The following CDC42BPB variants were observed in gnomAD, a reference collection of about 807,000 sequenced individuals.
CDC42BPB encodes CDC42 binding protein kinase beta.
Under a neutral mutation model 214.9 loss-of-function variants are expected in CDC42BPB, and 37 were observed. The ratio of observed to expected loss-of-function variants is 0.17; its 90% CI spans 0.13 to 0.23. The LOEUF (loss-of-function observed/expected upper bound fraction) is 0.23, where lower values mean the gene tolerates loss of function less well. CDC42BPB is among the 10% of genes least tolerant of loss of function. The pLI is 1.00. For missense variants in CDC42BPB, 1,694 were observed against 2,227.0 expected, an observed-to-expected ratio of 0.76 and a Z score of 4.82; for synonymous variants, 931 against 884.0, an observed-to-expected ratio of 1.05 and a Z score of -0.94.
chr14:103,008,507 T>C lies in CDC42BPB; in HGVS notation c.316A>G (p.Ile106Val). The change falls in exon 3 of 37, where the codon ATC (isoleucine) becomes GTC (valine). Residue 106 changes from isoleucine (I) to valine (V), a missense_variant. Transcript: ENST00000361246. ...TTCAGCATCTCCCACTTGTTGAGGA[T>C]TTTCATTGCATAAATTCGTTCAGTA... Reference protein sequence around the residue: ...KNTERIYAMKILNKWEMLKRA... With the variant: ...KNTERIYAMKVLNKWEMLKRA... The C allele has an allele frequency of 6.2e-7, 1 of 1,612,740 alleles. No individual in the cohort carries two copies. Among genetic ancestry groups the C allele is most frequent in the Non-Finnish European group, 8.5e-7 (1 of 1,178,684 alleles).
chr14:102,937,542 C>A (rs1204009748), intron 36 of CDC42BPB, among the ~76,000 whole-genome samples: 3 of 152,216 alleles, frequency 2.0e-5, no homozygotes, highest in Admixed American at 2.0e-4. Flanking sequence ...GGGGGCTAAG[C>A]CCTCAGCTCA....
At position 102,959,663 on chromosome 14, in the gene CDC42BPB, T is replaced by C. The variant is rs200543279; in HGVS notation, c.2869A>G (p.Thr957Ala). ...GTCAGGTCATGTGCAAGAGGAGCAG[T>C]GTTGAAATACTCAAAAATGGAATCC... ...FQDSIFEYFN[T>A]APLAHDLTFR... is the part of the protein sequence containing the mutation. The change falls in exon 21 of 37, where the codon ACT becomes GCT. Residue 957 changes from threonine (T) to alanine (A), a missense_variant. Transcript: ENST00000361246. The C allele has an allele frequency of 6.2e-6, 10 of 1,610,258 alleles. No individual in the cohort carries two copies. In the Admixed American group the frequency reaches 1.5e-4, roughly 24 times the overall value.
In CDC42BPB at chr14:102,975,862, C is replaced by T. The variant is rs112719111; in HGVS notation, c.1387+21G>A. The T allele has an allele frequency of 3.7e-5, 59 of 1,613,940 alleles. 2 individuals carry two copies. The highest frequency in any genetic ancestry group is 3.3e-4 in the African/African-American group (25 of 75,034). On this transcript the variant is annotated intron_variant, in intron 10 of 36. Transcript: ENST00000361246. Reference sequence around the variant, plus strand: ...TGGCCGCAGCGCCCCCGCCTGGCCCCGGAGCCGGCGCTGCCCTCACCTTGC... The same window carrying T: ...TGGCCGCAGCGCCCCCGCCTGGCCCTGGAGCCGGCGCTGCCCTCACCTTGC...
chr14:103,057,115 C>A lies in CDC42BPB; in HGVS notation c.59G>T (p.Arg20Leu). 3.9e-6 allele frequency: 6 copies of A among 1,519,638 alleles called. No individual in the cohort carries two copies. The highest frequency in any genetic ancestry group is 5.3e-6 in the Non-Finnish European group (6 of 1,139,194). The allele number at this position is 1,519,638 out of a possible 1,614,324, so 94.1% of individuals were successfully genotyped here. A position where few individuals can be genotyped will look rare whatever the true frequency, so the allele number is the denominator to read the frequency against. ...TTCCACGCTCAGGGCGCTCTCGTTG[C>A]GCCAGGGCCCGTCCAGGAGCAGCTG... ...LEQLLLDGPWRNESALSVETL... is the reference protein window; with the variant it reads ...LEQLLLDGPWLNESALSVETL... Residue 20 changes from arginine (R) to leucine (L), a missense_variant, in exon 1 of 37, where the codon CGC (arginine) becomes CTC (leucine). Arg to Leu is a moderately radical substitution (Grantham distance 102). This residue lies in a region of CDC42BPB where 83 missense variants were observed against 79.9 expected (regional missense o/e 1.04). Coordinates refer to ENST00000361246, the MANE Select transcript of CDC42BPB (RefSeq NM_006035.4).
intron 35 of CDC42BPB, 33 bp from the exon 36 acceptor site, chr14:102,938,207 GA>G: frequency 1.2e-6 from 2 of 1,609,878 alleles, no homozygotes; most frequent in Non-Finnish European, 1.7e-6. Flanking sequence ...CTCTTAGGGA[GA>G]AAGTCAAGAA....
At chr14:102,976,115 A>G (rs954755067) in intron 9 of CDC42BPB, 66 bp from the exon 10 acceptor site, 14 of 1,587,406 alleles carry the variant, frequency 8.8e-6, no homozygotes, top group Non-Finnish European at 1.2e-5. Context: ...AGCATTTTCA[A>G]TCTTCCTGAG....
rs1036837945 is a variant in CDC42BPB, at chr14:102,943,437, T to C, written c.4408+454A>G. ...AGCCCCTACCACTTTCAGAAAATAC[T>C]TGTCCTTAGAGGGACTGTAACTTAA... On this transcript the variant is annotated intron_variant, in intron 30 of 36. Transcript: ENST00000361246. The surrounding 1 kb of genome is among the most constrained non-coding windows in gnomAD (Gnocchi z 4.6). Among the ~76,000 whole-genome samples, 2 of 152,238 alleles carry C rather than the reference T, an allele frequency of 1.3e-5. No individual in the cohort carries two copies. The highest frequency in any genetic ancestry group is 4.8e-5 in the African/African-American group (2 of 41,470).
At chr14:102,959,555 T>C in intron 21 of CDC42BPB, 76 bp downstream of exon 21, 1 of 987,728 alleles carries the variant, frequency 1.0e-6, no homozygotes, top group East Asian at 2.5e-5. Flanking sequence ...GCCCCATGAG[T>C]GGTAAAATCA....
At chr14:102,995,963 T>C (rs1894710155) in intron 5 of CDC42BPB, among the ~76,000 whole-genome samples, 1 of 152,206 alleles carries the variant, frequency 6.6e-6, no homozygotes, top group African/African-American at 2.4e-5. Context: ...AATGAGTTAA[T>C]TTGGGGGGAA....
intron 21 of CDC42BPB, 143 bp from the exon 22 acceptor site, chr14:102,954,831 C>T: frequency 7.0e-7 from 1 of 1,436,676 alleles, no homozygotes; most frequent in Non-Finnish European, 9.2e-7. Context: ...TCCTATCACC[C>T]CTTGGGTCTC....
At chr14:102,968,748 C>T (rs1566867061) in intron 14 of CDC42BPB, 32 bp from the exon 15 acceptor site, 1 of 1,608,976 alleles carries the variant, frequency 6.2e-7, no homozygotes, top group Admixed American at 1.7e-5. Context: ...AATTGACAAA[C>T]CTCTGTGTCC....
In CDC42BPB at chr14:102,974,281, T is replaced by TACACACACAC. The variant is rs71119749; in HGVS notation, c.1508-142_1508-133dup. On this transcript the variant is annotated intron_variant, in intron 11 of 36. Coordinates refer to ENST00000361246, the MANE Select transcript of CDC42BPB (RefSeq NM_006035.4). ...TTTTTCATTCAGAGGTTTTTTTACTTACACACACACACACACACACACACA... is the reference window on the plus strand; with the variant it reads ...TTTTTCATTCAGAGGTTTTTTTACTTACACACACACACACACACACACACACACACACACA... 3.3e-3 allele frequency: 4,383 copies of TACACACACAC among 1,314,832 alleles called. 43 individuals are homozygous for TACACACACAC. Among genetic ancestry groups the TACACACACAC allele is most frequent in the African/African-American group, 0.031 (1,911 of 60,892 alleles). 81.4% of individuals were successfully genotyped at this position (1,314,832 alleles called of 1,614,324 possible). A position where few individuals can be genotyped will look rare whatever the true frequency, so the allele number is the denominator to read the frequency against.
chr14:102,944,210 G>A lies in CDC42BPB; in HGVS notation c.4089C>T (p.Phe1363=), dbSNP rs1892038793. 2 of 1,613,344 alleles carry A rather than the reference G, an allele frequency of 1.2e-6. No individual in the cohort carries two copies. The highest frequency in any genetic ancestry group is 1.7e-6 in the Non-Finnish European group (2 of 1,180,024). Residue 1363 remains phenylalanine (F), a synonymous_variant, in exon 30 of 37, where the codon TTC becomes TTT. Coordinates refer to ENST00000361246, the MANE Select transcript of CDC42BPB (RefSeq NM_006035.4). This position sits in a 1 kb window ranked among gnomAD's most constrained non-coding sequence, Gnocchi z 6.6. ...LCYEIQRTKP[F]HRKFNEIVAP... is the part of the protein sequence containing the mutation. Reference sequence around the variant, plus strand: ...CCACAATCTCATTGAACTTTCTGTGGAATGGCTTCGTTCTCTGGATCTCAT... The same window carrying A: ...CCACAATCTCATTGAACTTTCTGTGAAATGGCTTCGTTCTCTGGATCTCAT...
intron 21 of CDC42BPB, among the ~76,000 whole-genome samples, chr14:102,958,826 A>T (rs988638765): frequency 4.0e-5 from 6 of 151,636 alleles, no homozygotes; most frequent in Admixed American, 3.9e-4. Flanking sequence ...AAGTATTTTT[A>T]TTCGCTCTAG....
rs775335460 is a variant in CDC42BPB, at chr14:102,939,960, A to AGC, written c.4592-15_4592-14dup. 6.2e-7 allele frequency: 1 copy of AGC among 1,613,864 alleles called. No homozygotes were observed. The highest frequency in any genetic ancestry group is 8.5e-7 in the Non-Finnish European group (1 of 1,180,014). On this transcript the variant is annotated splice_polypyrimidine_tract_variant and intron_variant, in intron 32 of 36. Transcript: ENST00000361246. ...TTGAGAACCGCTCCTGCAGAAGCAG[A>AGC]GCGCGCGGTGACGGTGCTGCGGCAC...
intron 9 of CDC42BPB, among the ~76,000 whole-genome samples, chr14:102,977,339 C>CAAAAA (rs56368090): frequency 5.9e-5 from 5 of 85,022 alleles, no homozygotes; most frequent in South Asian, 4.9e-4. Context: ...ACTCCGTCTC[C>CAAAAA]AAAAAAAAAA....
At chr14:102,948,658 TG>T (rs1246772192) in intron 26 of CDC42BPB, among the ~76,000 whole-genome samples, 1 of 33,044 alleles carries the variant, frequency 3.0e-5, no homozygotes, top group South Asian at 1.6e-3. Flanking sequence ...GGTTTGGAGG[TG>T]GGGGGGTGAG....
intron 8 of CDC42BPB, among the ~76,000 whole-genome samples, chr14:102,980,276 TGTG>T (rs1201102143): frequency 3.9e-5 from 6 of 152,190 alleles, no homozygotes; most frequent in African/African-American, 1.4e-4. Context: ...GGGCGGATCA[TGTG>T]GTCAGGAGAT....
chr14:103,006,532 G>C (rs1338529874), intron 3 of CDC42BPB, among the ~76,000 whole-genome samples: 2 of 152,210 alleles, frequency 1.3e-5, no homozygotes, highest in Non-Finnish European at 2.9e-5. Context: ...TTTTAACCAA[G>C]TAAGATGAAA....
Sources: gnomAD v4.1 joint callset for allele counts (sites outside exome capture counted in the v4.1 genomes callset) on GRCh38, gnomAD v4.1.1 for gene constraint, gnomAD v4.1.1 regional missense constraint, Gnocchi (gnomAD v3.1) non-coding constraint, MANE v1.5 for transcripts, NCBI Gene and HGNC (gene_info 2026-07-23, HGNC 2026-07-21) for gene names.